LGR4: variants seen among roughly 807,000 people sequenced by gnomAD.
LGR4 encodes the protein leucine-rich repeat-containing G protein-coupled receptor 4.
Under a neutral mutation model 84.8 loss-of-function variants are expected in LGR4, and 44 were observed. The ratio of observed to expected loss-of-function variants is 0.52; its 90% CI spans 0.41 to 0.67. The LOEUF (loss-of-function observed/expected upper bound fraction) is 0.67. Ranked by LOEUF, LGR4 falls within the 30% of genes least tolerant of loss-of-function variation. The pLI is 0.00. For synonymous variants in LGR4, 429 were observed against 434.3 expected, an observed-to-expected ratio of 0.99 and a Z score of 0.15; for missense variants, 1,032 against 1,131.4, an observed-to-expected ratio of 0.91 and a Z score of 1.26.
intron 3 of LGR4, among the ~76,000 whole-genome samples, chr11:27,391,525 TATA>T (rs1204120302): frequency 1.3e-5 from 2 of 152,026 alleles, no homozygotes; most frequent in Non-Finnish European, 2.9e-5. Context: ...AACTGGGAGG[TATA>T]ATAAGCAAAT....
At chr11:27,422,460 A>G (rs143557838) in intron 1 of LGR4, among the ~76,000 whole-genome samples, 1 of 152,348 alleles carries the variant, frequency 6.6e-6, no homozygotes, top group East Asian at 1.9e-4. Context: ...TTTTTTAAAA[A>G]ATTGAAAGAG....
intron 2 of LGR4, among the ~76,000 whole-genome samples, chr11:27,410,318 C>G (rs561274396): frequency 1.3e-5 from 2 of 152,188 alleles, no homozygotes; most frequent in African/African-American, 4.8e-5. Context: ...CTTCTGTATT[C>G]TTGGGAAGTG....
intron 2 of LGR4, among the ~76,000 whole-genome samples, chr11:27,401,091 CTTA>C (rs1863492936): frequency 6.6e-6 from 1 of 152,054 alleles, no homozygotes; most frequent in African/African-American, 2.4e-5. Context: ...TTAAGAAACC[CTTA>C]TTATGGAAAT....
intron 1 of LGR4, among the ~76,000 whole-genome samples, chr11:27,467,566 C>CAA (rs761925670): frequency 1.9e-4 from 10 of 51,826 alleles, no homozygotes; most frequent in African/African-American, 4.2e-4. Flanking sequence ...GAGTCCGTCT[C>CAA]AAAAAAAAAA....
intron 1 of LGR4, among the ~76,000 whole-genome samples, chr11:27,442,781 A>C (rs4357647): frequency 0.85 from 129,193 of 152,128 alleles, 55,172 homozygotes; most frequent in South Asian, 0.91. Context: ...TAGAGAGAAG[A>C]CAGTTATTTT....
chr11:27,404,079 T>C (rs897429497), intron 2 of LGR4, among the ~76,000 whole-genome samples: 8 of 152,206 alleles, frequency 5.3e-5, no homozygotes, highest in Non-Finnish European at 1.0e-4. Context: ...GCTGGAAAAT[T>C]GAATCCTGCT....
chr11:27,424,118 A>T (rs115980861), intron 1 of LGR4, among the ~76,000 whole-genome samples: 2,165 of 152,298 alleles, frequency 0.014, 54 homozygotes, highest in African/African-American at 0.049. Flanking sequence ...CAGAGAAACA[A>T]ATGTCTTAGA....
chr11:27,467,566 C>CAAAAAAAAAAAAAAAAAA (rs761925670), intron 1 of LGR4, among the ~76,000 whole-genome samples: 6 of 51,852 alleles, frequency 1.2e-4, no homozygotes, highest in African/African-American at 3.1e-4. Context: ...GAGTCCGTCT[C>CAAAAAAAAAAAAAAAAAA]AAAAAAAAAA....
At chr11:27,427,703 C>T (rs1451986881) in intron 1 of LGR4, among the ~76,000 whole-genome samples, 1 of 152,138 alleles carries the variant, frequency 6.6e-6, no homozygotes, top group Non-Finnish European at 1.5e-5. Context: ...TCTCCTGGCC[C>T]ACAATGAGTG....
chr11:27,391,521 G>A (rs1863284870), intron 3 of LGR4, among the ~76,000 whole-genome samples: 1 of 152,110 alleles, frequency 6.6e-6, no homozygotes, highest in Non-Finnish European at 1.5e-5. Flanking sequence ...AGTTAACTGG[G>A]AGGTATAATA....
chr11:27,400,244 A>G (rs1483321834), intron 2 of LGR4, among the ~76,000 whole-genome samples: 1 of 152,126 alleles, frequency 6.6e-6, no homozygotes. Context: ...TTATGGTCCC[A>G]AGTATTTCAA....
At position 27,367,972 on chromosome 11, in the gene LGR4, T is replaced by C. The variant is rs367706161; in HGVS notation, c.2751A>G (p.Ser917=). Residue 917 remains serine (S), a synonymous_variant, in exon 18 of 18, where the codon TCA becomes TCG. Coordinates refer to ENST00000379214, the MANE Select transcript of LGR4 (RefSeq NM_018490.5). ...DYADEEDSFV[S]DSSDQVQACG... The stretch of plus-strand genomic sequence containing the variant: ...AGGCCTGCACCTGGTCAGAACTGTC[T>C]GAGACAAAGGAATCTTCTTCATCTG... 16 of 1,614,058 alleles carry C rather than the reference T, an allele frequency of 9.9e-6. No homozygotes were observed. In the African/African-American group the frequency reaches 1.6e-4, roughly 16 times the overall value.
Position 27,368,431 on chromosome 11 carries a change from C to T in LGR4, c.2292G>A (p.Ala764=), listed in dbSNP as rs138381781. ...TGATCAATGGTGCAAATGAAAAAAA[C>T]GCCACAGGGCAGAAAAAGATGCAAT... The part of the protein sequence containing the change: ...FTNCIFFCPV[A]FFSFAPLITA... Residue 764 remains alanine, a synonymous_variant, in exon 18 of 18, where the codon GCG becomes GCA. Transcript: ENST00000379214. 229 of 1,613,992 alleles carry T rather than the reference C, an allele frequency of 1.4e-4. No homozygotes were observed. Among genetic ancestry groups the T allele is most frequent in the Admixed American group, 4.2e-4 (25 of 59,984 alleles).
chr11:27,392,552 A>G, intron 2 of LGR4, 34 bp from the exon 3 acceptor site: 3 of 1,518,010 alleles, frequency 2.0e-6, no homozygotes, highest in Non-Finnish European at 2.7e-6. Flanking sequence ...AGCAAGAAAA[A>G]AATAGTAATT....
chr11:27,414,368 A>T (rs1481952511), intron 1 of LGR4, among the ~76,000 whole-genome samples: 3 of 151,872 alleles, frequency 2.0e-5, no homozygotes, highest in African/African-American at 7.3e-5. Context: ...AATCTCTGGA[A>T]GAGCACTTTT....
intron 2 of LGR4, among the ~76,000 whole-genome samples, chr11:27,410,687 GTTA>G (rs1863694256): frequency 6.6e-6 from 1 of 152,080 alleles, no homozygotes; most frequent in Non-Finnish European, 1.5e-5. Flanking sequence ...TACTGTAAAA[GTTA>G]TTAAAGACTA....
At chr11:27,392,308 T>C (rs1871251) in intron 3 of LGR4, 139 bp downstream of exon 3, 592,378 of 595,532 alleles carry the variant, frequency 0.99, 294,683 homozygotes, top group East Asian at 1. Context: ...CTCTGGCCTC[T>C]CATACTACTC....
chr11:27,377,028 T>C, intron 12 of LGR4, 130 bp downstream of exon 12: 1 of 549,144 alleles, frequency 1.8e-6, no homozygotes, highest in Non-Finnish European at 3.3e-6. Flanking sequence ...ATTTGACATG[T>C]TATTTATGGG....
At chr11:27,435,769 T>G (rs924406333) in intron 1 of LGR4, among the ~76,000 whole-genome samples, 11 of 151,984 alleles carry the variant, frequency 7.2e-5, no homozygotes, top group Non-Finnish European at 1.6e-4. Flanking sequence ...ATTACAGGTA[T>G]AAGCAACTGT....
Sources: gnomAD v4.1 joint callset for allele counts (sites outside exome capture counted in the v4.1 genomes callset) on GRCh38, gnomAD v4.1.1 for gene constraint, MANE v1.5 for transcripts, NCBI Gene and HGNC (gene_info 2026-07-23, HGNC 2026-07-21) for gene names.